Variants in ASIC2 observed in about 807,000 individuals in gnomAD.
ASIC2 encodes the protein acid-sensing ion channel 2.
ASIC2 carries 25 observed loss-of-function variants against 57.3 expected under a neutral mutation model. The ratio of observed to expected loss-of-function variants is 0.44; its 90% CI spans 0.32 to 0.61. The LOEUF is 0.61. Ranked by LOEUF, ASIC2 falls within the 20% of genes least tolerant of loss-of-function variation. The pLI is 0.06. For synonymous variants in ASIC2, 319 were observed against 307.5 expected, an observed-to-expected ratio of 1.04 and a Z score of -0.39; for missense variants, 641 against 738.1, an observed-to-expected ratio of 0.87 and a Z score of 1.52.
intron 1 of ASIC2, among the ~76,000 whole-genome samples, chr17:33,227,809 C>G (rs1907944319): frequency 6.6e-6 from 1 of 152,216 alleles, no homozygotes; most frequent in African/African-American, 2.4e-5. Context: ...CAGGATTCAG[C>G]TGGTAAGAGG....
At chr17:33,511,343 C>T (rs1343585661) in intron 1 of ASIC2, among the ~76,000 whole-genome samples, 1 of 152,090 alleles carries the variant, frequency 6.6e-6, no homozygotes, top group Non-Finnish European at 1.5e-5. Context: ...AGACACACAC[C>T]CATGTTCTTG....
chr17:34,115,528 G>C (rs940092702), intron 1 of ASIC2, among the ~76,000 whole-genome samples: 2 of 152,176 alleles, frequency 1.3e-5, no homozygotes, highest in African/African-American at 4.8e-5. Context: ...AGAGATGAAG[G>C]CCATTAATTG....
At chr17:33,185,018 T>G (rs1049967986) in intron 1 of ASIC2, among the ~76,000 whole-genome samples, 1 of 152,110 alleles carries the variant, frequency 6.6e-6, no homozygotes, top group Admixed American at 6.6e-5. Flanking sequence ...GAAATTTGCC[T>G]GAAAGATCTA....
intron 3 of ASIC2, among the ~76,000 whole-genome samples, chr17:33,049,713 T>C (rs1379605775): frequency 6.6e-6 from 1 of 152,204 alleles, no homozygotes; most frequent in Non-Finnish European, 1.5e-5. Flanking sequence ...ATCTGTATAA[T>C]GGGAATACTT....
At chr17:33,500,817 C>T (rs1203817529) in intron 1 of ASIC2, among the ~76,000 whole-genome samples, 1 of 152,190 alleles carries the variant, frequency 6.6e-6, no homozygotes, top group Non-Finnish European at 1.5e-5. Context: ...TAGTAGATTG[C>T]ACACAGAAGG....
At chr17:33,895,166 A>G (rs1299147249) in intron 1 of ASIC2, among the ~76,000 whole-genome samples, 2 of 143,950 alleles carry the variant, frequency 1.4e-5, no homozygotes, top group Non-Finnish European at 3.0e-5. Context: ...TTTTTTTGCT[A>G]TTTTTTTTTT....
chr17:33,847,522 A>G (rs1244373082), intron 1 of ASIC2, among the ~76,000 whole-genome samples: 2 of 152,214 alleles, frequency 1.3e-5, no homozygotes, highest in East Asian at 3.9e-4. Context: ...AAACCTTTGG[A>G]ATAAGGCTGA....
chr17:33,198,087 T>C (rs1372797142), intron 1 of ASIC2, among the ~76,000 whole-genome samples: 1 of 152,164 alleles, frequency 6.6e-6, no homozygotes, highest in Non-Finnish European at 1.5e-5. Flanking sequence ...TGGTGGCTCA[T>C]GCCTGTAATC....
At chr17:33,246,807 G>A (rs1908706464) in intron 1 of ASIC2, among the ~76,000 whole-genome samples, 2 of 152,220 alleles carry the variant, frequency 1.3e-5, no homozygotes, top group Non-Finnish European at 2.9e-5. Flanking sequence ...CAGGCTTAGA[G>A]TGCATTAGGG....
At chr17:33,301,333 G>T (rs573745855) in intron 1 of ASIC2, among the ~76,000 whole-genome samples, 1 of 151,946 alleles carries the variant, frequency 6.6e-6, no homozygotes, top group Non-Finnish European at 1.5e-5. Context: ...GAGCCACCAC[G>T]CCTGGCCAGA....
chr17:33,078,153 A>G (rs2092097412), intron 3 of ASIC2, among the ~76,000 whole-genome samples: 1 of 152,108 alleles, frequency 6.6e-6, no homozygotes, highest in Non-Finnish European at 1.5e-5. Flanking sequence ...CATAGACATT[A>G]GGGCTCCTTT....
chr17:33,015,525 T>C (rs2091801152), intron 9 of ASIC2, among the ~76,000 whole-genome samples: 1 of 152,204 alleles, frequency 6.6e-6, no homozygotes, highest in South Asian at 2.1e-4. Flanking sequence ...GTAGCTATAA[T>C]GGGCACTATT....
intron 1 of ASIC2, among the ~76,000 whole-genome samples, chr17:33,771,763 G>C (rs1911120879): frequency 1.3e-5 from 2 of 152,148 alleles, no homozygotes; most frequent in South Asian, 2.1e-4. Context: ...ATATTTCTGG[G>C]CTTCATGTGA....
In ASIC2 at chr17:34,026,848, A is replaced by G. The variant is rs535269537; in HGVS notation, c.555+129130T>C. ...GTTGGGATTCAAACCCACTTGGGAAAGGCTCGGCCATGCAGCTAACATCTG... is the reference window on the plus strand; with the variant it reads ...GTTGGGATTCAAACCCACTTGGGAAGGGCTCGGCCATGCAGCTAACATCTG... On this transcript the variant is annotated intron_variant, in intron 1 of 9. Transcript: ENST00000359872. Among the ~76,000 whole-genome samples, 15 of 152,374 alleles carry G rather than the reference A, an allele frequency of 9.8e-5. No homozygotes were observed. In the East Asian group the frequency reaches 2.9e-3, roughly 29 times the overall value.
chr17:33,970,105 CATT>C (rs34668798), intron 1 of ASIC2, among the ~76,000 whole-genome samples: 15,309 of 152,164 alleles, frequency 0.1, 1,002 homozygotes, highest in Admixed American at 0.16. Flanking sequence ...ATTTTGGGCT[CATT>C]AATTCTTTGT....
intron 1 of ASIC2, among the ~76,000 whole-genome samples, chr17:33,164,576 GCACACACACA>G (rs35380225): frequency 2.1e-4 from 31 of 149,780 alleles, no homozygotes; most frequent in African/African-American, 7.6e-4. Flanking sequence ...GCACATGCAC[GCACACACACA>G]CACACACACA....
intron 3 of ASIC2, among the ~76,000 whole-genome samples, chr17:33,042,253 T>A (rs1598249178): frequency 6.6e-6 from 1 of 152,160 alleles, no homozygotes; most frequent in South Asian, 2.1e-4. Flanking sequence ...GACACCCTCC[T>A]CCTGCCTCTG....
rs372220136 is a variant in ASIC2 at position 33,220,026 on chromosome 17, C to T, written c.708+71382G>A. Among the ~76,000 whole-genome samples, 13 of 152,344 alleles carry T rather than the reference C, an allele frequency of 8.5e-5. No individual in the cohort carries two copies. The East Asian group carries it at 1.9e-3, about 23-fold the overall frequency. ...ATAAAAAGCAGCATTTAAAAAATTA[C>T]TGTCATGAAAAAGGAACACCATTTT... On this transcript the variant is annotated intron_variant, in intron 1 of 9. Transcript: ENST00000225823.
chr17:34,078,952 T>C (rs1197207521), intron 1 of ASIC2: 2 of 152,166 alleles, frequency 1.3e-5, no homozygotes, highest in Admixed American at 1.3e-4. Context: ...CTGCCAGAGC[T>C]GGAGAAGGCT....
Sources: gnomAD v4.1 joint callset for allele counts (sites outside exome capture counted in the v4.1 genomes callset) on GRCh38, gnomAD v4.1.1 for gene constraint, MANE v1.5 for transcripts, NCBI Gene and HGNC (gene_info 2026-07-23, HGNC 2026-07-21) for gene names.